The following PTPRR variants were observed in gnomAD, a reference collection of about 807,000 sequenced individuals.
PTPRR encodes the protein receptor-type tyrosine-protein phosphatase R.
A neutral mutation model predicts 77.2 loss-of-function variants in PTPRR; 38 were observed. That is an observed-to-expected ratio of 0.49 (90% CI 0.38 to 0.65). The LOEUF is 0.65. PTPRR is among the 30% of genes least tolerant of loss of function. PTPRR has a pLI of 0.00. For synonymous variants in PTPRR, 299 were observed against 283.1 expected, an observed-to-expected ratio of 1.06 and a Z score of -0.57; for missense variants, 744 against 799.2, an observed-to-expected ratio of 0.93 and a Z score of 0.83.
intron 8 of PTPRR, among the ~76,000 whole-genome samples, 167 bp downstream of exon 8, chr12:70,698,098 G>A (rs1257716280): frequency 6.6e-6 from 1 of 152,002 alleles, no homozygotes; most frequent in Admixed American, 6.6e-5. Flanking sequence ...TTTAAGTTCT[G>A]GGATACATGT....
At chr12:70,667,395 G>A (rs1887050465) in intron 10 of PTPRR, among the ~76,000 whole-genome samples, 1 of 152,196 alleles carries the variant, frequency 6.6e-6, no homozygotes, top group African/African-American at 2.4e-5. Flanking sequence ...AAGGACAGGA[G>A]AGTAATTTTG....
chr12:70,686,707 T>C (rs1012971519), intron 8 of PTPRR, among the ~76,000 whole-genome samples: 1 of 152,112 alleles, frequency 6.6e-6, no homozygotes, highest in African/African-American at 2.4e-5. Flanking sequence ...AACTGAGGCC[T>C]CCAGCTGATA....
intron 10 of PTPRR, chr12:70,672,170 G>A: frequency 6.6e-7 from 1 of 1,521,982 alleles, no homozygotes; most frequent in Non-Finnish European, 9.0e-7. Context: ...AAGAGCCTTG[G>A]GTGCCCAGTT....
chr12:70,920,263 T>C (rs1009968453), intron 1 of PTPRR, 70 bp downstream of exon 1: 6 of 1,509,966 alleles, frequency 4.0e-6, no homozygotes, highest in African/African-American at 1.4e-5. Flanking sequence ...AAGCTTTTCC[T>C]AGAGTCCTTA....
intron 6 of PTPRR, among the ~76,000 whole-genome samples, chr12:70,715,854 A>T (rs561776138): frequency 6.6e-6 from 1 of 152,278 alleles, no homozygotes; most frequent in African/African-American, 2.4e-5. Flanking sequence ...CAATTATCAT[A>T]GGGTCCTGAG....
intron 4 of PTPRR, among the ~76,000 whole-genome samples, chr12:70,757,252 T>A (rs1269719807): frequency 1.3e-5 from 2 of 152,236 alleles, no homozygotes; most frequent in Non-Finnish European, 2.9e-5. Flanking sequence ...CACATTGGAC[T>A]TTTATTTAAA....
At chr12:70,804,884 G>A (rs913936672) in intron 2 of PTPRR, among the ~76,000 whole-genome samples, 1 of 152,086 alleles carries the variant, frequency 6.6e-6, no homozygotes, top group African/African-American at 2.4e-5. Context: ...GAAAGTTTTA[G>A]TTTCCAGATT....
chr12:70,864,979 T>C (rs1227045982), intron 2 of PTPRR, among the ~76,000 whole-genome samples: 1 of 140,180 alleles, frequency 7.1e-6, no homozygotes, highest in Non-Finnish European at 1.5e-5. Context: ...ACCTGGCTAA[T>C]TTTTTTTGTA....
At chr12:70,669,458 T>A (rs1887130884) in intron 10 of PTPRR, among the ~76,000 whole-genome samples, 1 of 150,472 alleles carries the variant, frequency 6.6e-6, no homozygotes, top group African/African-American at 2.4e-5. Flanking sequence ...TATTTATATA[T>A]ATATATATAC....
At position 70,892,929 on chromosome 12, in the gene PTPRR, T is replaced by C; in HGVS notation, c.107A>G (p.Lys36Arg). 3 of 1,613,352 alleles carry C rather than the reference T, an allele frequency of 1.9e-6. No homozygotes were observed. The highest frequency in any genetic ancestry group is 2.5e-6 in the Non-Finnish European group (3 of 1,179,522). The change falls in exon 2 of 14, where the codon AAG becomes AGG. Residue 36 changes from lysine (K) to arginine (R), a missense_variant. Physicochemically the swap from Lys to Arg is conservative, Grantham distance 26. This residue lies in a region of PTPRR where 570 missense variants were observed against 573.2 expected (regional missense o/e 0.99). Coordinates refer to ENST00000283228, the MANE Select transcript of PTPRR (RefSeq NM_002849.4). Reference sequence around the variant, plus strand: ...ATAAATGAATACCGGCTTCCCACTCTTCTTCTGATTAATTGCCAAAAAATG... The same window carrying C: ...ATAAATGAATACCGGCTTCCCACTCCTCTTCTGATTAATTGCCAAAAAATG... ...NDHFLAINQK[K>R]SGKPVFIYKH...
At chr12:70,902,871 C>A (rs1893562288) in intron 1 of PTPRR, among the ~76,000 whole-genome samples, 3 of 151,636 alleles carry the variant, frequency 2.0e-5, no homozygotes, top group Non-Finnish European at 3.0e-5. Flanking sequence ...CCCCTGTACC[C>A]CCAATAACTT....
intron 2 of PTPRR, among the ~76,000 whole-genome samples, chr12:70,888,516 C>G (rs1329416131): frequency 1.3e-5 from 2 of 152,058 alleles, no homozygotes; most frequent in Admixed American, 6.5e-5. Flanking sequence ...CAGATTTATT[C>G]TCTTAGGGCT....
chr12:70,709,949 T>A (rs150739589), intron 6 of PTPRR, among the ~76,000 whole-genome samples: 10 of 152,102 alleles, frequency 6.6e-5, no homozygotes, highest in Admixed American at 5.9e-4. Flanking sequence ...TGGCACTTAA[T>A]ATTAATTAAG....
chr12:70,836,310 T>TG (rs1892302794), intron 2 of PTPRR, among the ~76,000 whole-genome samples: 1 of 151,648 alleles, frequency 6.6e-6, no homozygotes, highest in Non-Finnish European at 1.5e-5. Context: ...ACATGTGTTT[T>TG]TTTTTTTTTT....
At chr12:70,775,899 G>A (rs532369744) in intron 2 of PTPRR, among the ~76,000 whole-genome samples, 1 of 152,236 alleles carries the variant, frequency 6.6e-6, no homozygotes, top group African/African-American at 2.4e-5. Context: ...TTTGAACTGA[G>A]TAGAGAACGC....
chr12:70,659,792 T>C (rs1344825048), intron 12 of PTPRR, among the ~76,000 whole-genome samples: 2 of 152,100 alleles, frequency 1.3e-5, no homozygotes, highest in African/African-American at 4.8e-5. Context: ...TCTAAAATAA[T>C]ATATTTATTA....
chr12:70,700,988 G>A (rs753296954), intron 7 of PTPRR, 149 bp downstream of exon 7: 24 of 770,810 alleles, frequency 3.1e-5, no homozygotes, highest in Non-Finnish European at 4.1e-5. Flanking sequence ...ATCAATAGTG[G>A]ATGAGACTGA....
intron 2 of PTPRR, among the ~76,000 whole-genome samples, chr12:70,787,169 T>G (rs1356658236): frequency 6.6e-6 from 1 of 152,186 alleles, no homozygotes; most frequent in Non-Finnish European, 1.5e-5. Context: ...ATTACCACAA[T>G]AAGAGTCTTC....
At chr12:70,852,552 G>A (rs1323787520) in intron 2 of PTPRR, among the ~76,000 whole-genome samples, 5 of 152,146 alleles carry the variant, frequency 3.3e-5, no homozygotes, top group African/African-American at 1.2e-4. Flanking sequence ...CTTCTCAGGA[G>A]AGGCTGATTC....
Sources: gnomAD v4.1 joint callset for allele counts (sites outside exome capture counted in the v4.1 genomes callset) on GRCh38, gnomAD v4.1.1 for gene constraint, gnomAD v4.1.1 regional missense constraint, MANE v1.5 for transcripts, NCBI Gene and HGNC (gene_info 2026-07-23, HGNC 2026-07-21) for gene names.